PTPRT: variants seen among roughly 807,000 people sequenced by gnomAD.
The protein encoded by PTPRT is receptor-type tyrosine-protein phosphatase T.
In PTPRT, 56 loss-of-function variants were observed where a neutral mutation model predicts 176.8. The ratio of observed to expected loss-of-function variants is 0.32; its 90% CI spans 0.26 to 0.40. PTPRT has a LOEUF of 0.40. PTPRT is among the 10% of genes least tolerant of loss of function. The probability of loss-of-function intolerance (pLI) is 1.00; values close to 1 mark genes in which losing one functional copy is unlikely to be tolerated. For missense variants in PTPRT, 1,540 were observed against 1,908.2 expected (o/e 0.81, Z 3.60); for synonymous variants, 783 against 739.0 (o/e 1.06, Z -0.96).
At chr20:42,671,212 C>G (rs949105523) in intron 7 of PTPRT, among the ~76,000 whole-genome samples, 21 of 152,142 alleles carry the variant, frequency 1.4e-4, no homozygotes, top group Admixed American at 1.2e-3. Flanking sequence ...CTGCCTACTG[C>G]CCCCACTCTT....
intron 2 of PTPRT, among the ~76,000 whole-genome samples, chr20:42,842,750 A>G (rs1344180944): frequency 1.3e-5 from 2 of 152,202 alleles, no homozygotes; most frequent in South Asian, 4.1e-4. Context: ...CTTGAGGCTG[A>G]AAAGTCAAAG....
chr20:42,282,556 A>C (rs1184196769), intron 12 of PTPRT, 31 bp from the exon 13 acceptor site: 5 of 1,577,618 alleles, frequency 3.2e-6, no homozygotes, highest in Non-Finnish European at 4.3e-6. Flanking sequence ...ATGCCAATTA[A>C]TTAGCTGTGA....
chr20:42,169,990 G>A (rs1990010401), intron 16 of PTPRT, among the ~76,000 whole-genome samples: 1 of 152,146 alleles, frequency 6.6e-6, no homozygotes, highest in Non-Finnish European at 1.5e-5. Flanking sequence ...ATATGATATG[G>A]GAGGGAAGTT....
intron 12 of PTPRT, among the ~76,000 whole-genome samples, chr20:42,306,065 T>C (rs1420631368): frequency 6.6e-6 from 1 of 152,220 alleles, no homozygotes; most frequent in Non-Finnish European, 1.5e-5. Context: ...TGGGTAACCT[T>C]CATCTCCCTT....
chr20:42,113,938 C>T (rs865900634), intron 22 of PTPRT, among the ~76,000 whole-genome samples: 1 of 152,184 alleles, frequency 6.6e-6, no homozygotes, highest in Non-Finnish European at 1.5e-5. Context: ...GGAGGGGGAG[C>T]TTCCGGGGCA....
chr20:42,626,917 A>C (rs989065094), intron 7 of PTPRT, among the ~76,000 whole-genome samples: 1 of 152,250 alleles, frequency 6.6e-6, no homozygotes, highest in African/African-American at 2.4e-5. Context: ...GAGCTTAATG[A>C]GAATTCCCTG....
intron 2 of PTPRT, among the ~76,000 whole-genome samples, chr20:42,873,482 T>A (rs181036068): frequency 3.3e-5 from 5 of 152,312 alleles, no homozygotes; most frequent in Admixed American, 6.5e-5. Flanking sequence ...AAAAATCTAA[T>A]AATCTAGGAG....
At chr20:42,719,614 A>G (rs1410576556) in intron 6 of PTPRT, among the ~76,000 whole-genome samples, 17 of 152,234 alleles carry the variant, frequency 1.1e-4, no homozygotes, top group Admixed American at 1.1e-3. Flanking sequence ...AGTATTGTTA[A>G]AGGCTATTGT....
chr20:42,033,428 A>C, the PTPRT span, among the ~76,000 whole-genome samples: 2 of 152,158 alleles, frequency 1.3e-5, no homozygotes. Context: ...CTTACTGGAC[A>C]CTGTGCTCCA....
At position 42,248,677 on chromosome 20, in the gene PTPRT, A is replaced by T; in HGVS notation, c.2312+10T>A. The T allele has an allele frequency of 6.2e-7, 1 of 1,613,618 alleles. No homozygotes were observed. Among genetic ancestry groups the T allele is most frequent in the Non-Finnish European group, 8.5e-7 (1 of 1,179,698 alleles). On this transcript the variant is annotated intron_variant, in intron 14 of 30. Transcript: ENST00000373187. ...TCAGCAGAGTCTTGCAGGCAGCAGC[A>T]GAGACTCACCTCCTTTTGATGGTGA...
intron 9 of PTPRT, among the ~76,000 whole-genome samples, chr20:42,387,973 G>A (rs746695280): frequency 3.9e-5 from 6 of 151,936 alleles, no homozygotes; most frequent in Non-Finnish European, 8.8e-5. Flanking sequence ...TGTATTTTTA[G>A]CAGAGACAGG....
intron 11 of PTPRT, among the ~76,000 whole-genome samples, chr20:42,318,033 TATAAC>T (rs1399598797): frequency 2.0e-5 from 3 of 152,296 alleles, no homozygotes; most frequent in Non-Finnish European, 4.4e-5. Flanking sequence ...AATGAGTAAA[TATAAC>T]ATTCAGATGA....
At chr20:42,733,714 C>T (rs914949792) in intron 6 of PTPRT, among the ~76,000 whole-genome samples, 1 of 152,230 alleles carries the variant, frequency 6.6e-6, no homozygotes, top group African/African-American at 2.4e-5. Flanking sequence ...TCGGAGGCTA[C>T]AGGCTTCTAA....
At chr20:42,163,456 G>A (rs6030018) in intron 16 of PTPRT, among the ~76,000 whole-genome samples, 46,513 of 152,076 alleles carry the variant, frequency 0.31, 7,978 homozygotes, top group Non-Finnish European at 0.36. Context: ...GCTAGTACAT[G>A]TTCACTGGCA....
chr20:42,556,279 T>C (rs1019244572), intron 7 of PTPRT, among the ~76,000 whole-genome samples: 7 of 152,182 alleles, frequency 4.6e-5, no homozygotes, highest in African/African-American at 1.7e-4. Flanking sequence ...GAAGTGTGAC[T>C]GAGTCTGCAG....
At chr20:42,886,924 G>C (rs1391870583) in intron 1 of PTPRT, among the ~76,000 whole-genome samples, 1 of 152,224 alleles carries the variant, frequency 6.6e-6, no homozygotes, top group Non-Finnish European at 1.5e-5. Flanking sequence ...GGCATTCTGA[G>C]TTGAGCCTGC....
intron 1 of PTPRT, among the ~76,000 whole-genome samples, chr20:43,180,859 T>C (rs907103457): frequency 6.6e-6 from 1 of 152,238 alleles, no homozygotes; most frequent in Non-Finnish European, 1.5e-5. Flanking sequence ...TCTGCAGAAC[T>C]CTAAGACAAC....
In PTPRT at chr20:43,082,969, G is replaced by A. The variant is rs895682725; in HGVS notation, c.88+106677C>T. On this transcript the variant is annotated intron_variant, in intron 1 of 30. Coordinates refer to ENST00000373187, the MANE Select transcript of PTPRT (RefSeq NM_007050.6). ...CTTCTTCTTCACCCTTCCCTAATTC[G>A]TATTTTTCCCCATATAGTCAGATTT... 5.3e-5 allele frequency among the ~76,000 whole-genome samples: 8 copies of A among 151,940 alleles called. No homozygotes were observed. In the East Asian group the frequency reaches 9.7e-4, roughly 18 times the overall value.
Position 42,756,483 on chromosome 20 carries a change from A to C in PTPRT, c.838T>G (p.Tyr280Asp), listed in dbSNP as rs2076834354. 6.3e-7 allele frequency: 1 copy of C among 1,590,248 alleles called. No homozygotes were observed. The highest frequency in any genetic ancestry group is 8.6e-7 in the Non-Finnish European group (1 of 1,165,088). ...TCACCTTTCACGATCAGCTCCGCGT[A>C]GTTGGACACACCAGACCCACCATCA... ...RSDGGSGVSN[Y>D]AELIVKEPPT... Residue 280 changes from tyrosine (Y) to aspartate (D), a missense_variant, in exon 6 of 31, where the codon TAC (tyrosine) becomes GAC (aspartate). Coordinates refer to ENST00000373187, the MANE Select transcript of PTPRT (RefSeq NM_007050.6).
Sources: gnomAD v4.1 joint callset for allele counts (sites outside exome capture counted in the v4.1 genomes callset) on GRCh38, gnomAD v4.1.1 for gene constraint, MANE v1.5 for transcripts, NCBI Gene and HGNC (gene_info 2026-07-23, HGNC 2026-07-21) for gene names.